Variants in XYLT1 observed in about 807,000 individuals in gnomAD.
The protein encoded by XYLT1 is xylosyltransferase 1, also known as beta-D-xylosyltransferase 1.
In XYLT1, 36 loss-of-function variants were observed where a neutral mutation model predicts 91.3. That is an observed-to-expected ratio of 0.39 (90% confidence interval 0.30 to 0.52). The LOEUF is 0.52. Among genes scored for constraint, XYLT1 ranks in the 20% least tolerant of loss-of-function variants. The pLI, the probability that XYLT1 is intolerant of heterozygous loss-of-function variation, is 0.68. For missense variants in XYLT1, 1,242 were observed against 1,284.5 expected (o/e 0.97, Z 0.51); for synonymous variants, 588 against 532.0 (o/e 1.11, Z -1.45).
At chr16:17,379,763 T>TCACACA (rs71137987) in intron 1 of XYLT1, among the ~76,000 whole-genome samples, 9,386 of 125,524 alleles carry the variant, frequency 0.075, 426 homozygotes, top group African/African-American at 0.12. Context: ...TCTCTCTCTC[T>TCACACA]CACACACACA....
At chr16:17,299,323 G>T (rs1354633107) in intron 2 of XYLT1, among the ~76,000 whole-genome samples, 1 of 152,138 alleles carries the variant, frequency 6.6e-6, no homozygotes, top group Non-Finnish European at 1.5e-5. Context: ...AGAATGAAGA[G>T]GGGGTGGCAG....
At chr16:17,468,495 C>T (rs536412902) in intron 1 of XYLT1, among the ~76,000 whole-genome samples, 1 of 152,310 alleles carries the variant, frequency 6.6e-6, no homozygotes, top group Non-Finnish European at 1.5e-5. Context: ...AGCACCTCCG[C>T]TGCTGGAACT....
intron 3 of XYLT1, among the ~76,000 whole-genome samples, chr16:17,207,344 G>T (rs1250507504): frequency 6.6e-6 from 1 of 152,142 alleles, no homozygotes; most frequent in African/African-American, 2.4e-5. Context: ...ACAGGCGTGA[G>T]CCACAGCGCC....
intron 1 of XYLT1, among the ~76,000 whole-genome samples, chr16:17,406,877 TG>T (rs1377790040): frequency 6.6e-6 from 1 of 152,234 alleles, no homozygotes; most frequent in Non-Finnish European, 1.5e-5. Context: ...GGCCCTGGGT[TG>T]GGTGTGGTAT....
chr16:17,127,166 A>C (rs1332998452), intron 10 of XYLT1, among the ~76,000 whole-genome samples: 1 of 152,068 alleles, frequency 6.6e-6, no homozygotes, highest in Non-Finnish European at 1.5e-5. Flanking sequence ...TCATTCATCT[A>C]CTCATCTAAT....
At chr16:17,445,024 G>C (rs765210510) in intron 1 of XYLT1, among the ~76,000 whole-genome samples, 24 of 152,146 alleles carry the variant, frequency 1.6e-4, no homozygotes, top group Non-Finnish European at 2.6e-4. Flanking sequence ...TTTTTAGACA[G>C]GGTCTCACTC....
chr16:17,287,755 G>A (rs1055494816), intron 2 of XYLT1, among the ~76,000 whole-genome samples: 1 of 152,162 alleles, frequency 6.6e-6, no homozygotes, highest in Non-Finnish European at 1.5e-5. Flanking sequence ...AGGAGCAGGG[G>A]AGGCAAAAGA....
intron 6 of XYLT1, among the ~76,000 whole-genome samples, chr16:17,145,385 A>G (rs1422267918): frequency 6.6e-6 from 1 of 152,162 alleles, no homozygotes; most frequent in African/African-American, 2.4e-5. Context: ...TCCATAATCA[A>G]TTCAGGGATG....
chr16:17,334,630 C>T (rs2034950504), intron 2 of XYLT1, among the ~76,000 whole-genome samples: 1 of 152,100 alleles, frequency 6.6e-6, no homozygotes, highest in Non-Finnish European at 1.5e-5. Context: ...CCCGAGGGGA[C>T]CTTGCAGTCT....
chr16:17,261,051 T>C, intron 2 of XYLT1, among the ~76,000 whole-genome samples: 1 of 151,978 alleles, frequency 6.6e-6, no homozygotes, highest in East Asian at 1.9e-4. Context: ...CTGGTCAACA[T>C]GGCAAAACCC....
intron 6 of XYLT1, among the ~76,000 whole-genome samples, chr16:17,147,903 C>T (rs560881467): frequency 6.6e-6 from 1 of 152,334 alleles, no homozygotes; most frequent in South Asian, 2.1e-4. Context: ...GCGTGAAGCA[C>T]AGATCTGTAG....
intron 11 of XYLT1, among the ~76,000 whole-genome samples, chr16:17,115,800 T>TA (rs71137969): frequency 0.018 from 900 of 50,306 alleles, 95 homozygotes; most frequent in African/African-American, 0.058. Context: ...TCTGTTATAT[T>TA]AAAAAAAAAA....
At chr16:17,450,362 C>CAAAAAAAAAAAA (rs1195577105) in intron 1 of XYLT1, among the ~76,000 whole-genome samples, 2 of 145,436 alleles carry the variant, frequency 1.4e-5, no homozygotes, top group Non-Finnish European at 1.5e-5. Flanking sequence ...AACAAACAAA[C>CAAAAAAAAAAAA]AAAAAAAAAA....
chr16:17,253,823 TGA>T (rs3060128), intron 3 of XYLT1, among the ~76,000 whole-genome samples: 4,068 of 114,388 alleles, frequency 0.036, 55 homozygotes, highest in Middle Eastern at 0.045. Flanking sequence ...CCTTGCAACT[TGA>T]GAGAGAGAGA....
intron 5 of XYLT1, among the ~76,000 whole-genome samples, chr16:17,168,401 G>A (rs1026039497): frequency 2.6e-5 from 4 of 152,052 alleles, no homozygotes; most frequent in African/African-American, 7.2e-5. Context: ...GGGTTCTCAC[G>A]GACATGAAAA....
At chr16:17,292,233 G>GT (rs1264419460) in intron 2 of XYLT1, among the ~76,000 whole-genome samples, 1 of 151,942 alleles carries the variant, frequency 6.6e-6, no homozygotes, top group Non-Finnish European at 1.5e-5. Flanking sequence ...AATACCATAG[G>GT]TTTTATGAGA....
chr16:17,194,375 A>G (rs1378272138), intron 5 of XYLT1: 1 of 152,270 alleles, frequency 6.6e-6, no homozygotes, highest in African/African-American at 2.4e-5. Context: ...CAAGCCAACA[A>G]TGGCCTCTAG....
In XYLT1 at chr16:17,198,387, G is replaced by A; in HGVS notation, c.1114C>T (p.Leu372Phe). 1.2e-6 allele frequency: 2 copies of A among 1,614,178 alleles called. No individual in the cohort carries two copies. Among genetic ancestry groups the A allele is most frequent in the Non-Finnish European group, 1.7e-6 (2 of 1,180,024 alleles). Residue 372 changes from leucine to phenylalanine, a missense_variant, in exon 5 of 12, where the codon CTC (leucine) becomes TTC (phenylalanine). By Grantham distance (22) the Leu-to-Phe change is conservative. This residue lies in a region of XYLT1 where 294 missense variants were observed against 376.0 expected (regional missense o/e 0.78). Transcript: ENST00000261381. ...KRSNYLHRQV[L>F]QVSRQYSNVR... is the part of the protein sequence containing the mutation. ...TTGCTGTACTGCCTGGAGACCTGGA[G>A]CACTTGCCGATGCAGGTAATTAGAG... is the stretch of plus-strand genomic sequence containing the variant.
chr16:17,418,164 A>G (rs1225712901), intron 1 of XYLT1, among the ~76,000 whole-genome samples: 1 of 152,222 alleles, frequency 6.6e-6, no homozygotes, highest in African/African-American at 2.4e-5. Context: ...ACGTTAGAGA[A>G]CTATTTGTTA....
Sources: gnomAD v4.1 joint callset for allele counts (sites outside exome capture counted in the v4.1 genomes callset) on GRCh38, gnomAD v4.1.1 for gene constraint, gnomAD v4.1.1 regional missense constraint, MANE v1.5 for transcripts, NCBI Gene and HGNC (gene_info 2026-07-23, HGNC 2026-07-21) for gene names.